The following GABRG3 variants were observed in gnomAD, a reference collection of about 807,000 sequenced individuals.
GABRG3 encodes gamma-aminobutyric acid receptor subunit gamma-3.
A neutral mutation model predicts 48.8 loss-of-function variants in GABRG3; 25 were observed. That is an observed-to-expected ratio of 0.51 (90% confidence interval 0.37 to 0.72). The LOEUF is 0.72. Ranked by LOEUF, GABRG3 falls within the 30% of genes least tolerant of loss-of-function variation. The pLI, the probability that GABRG3 is intolerant of heterozygous loss-of-function variation, is 0.00. For synonymous variants in GABRG3, 227 were observed against 217.6 expected, an observed-to-expected ratio of 1.04 and a Z score of -0.38; for missense variants, 394 against 577.9, an observed-to-expected ratio of 0.68 and a Z score of 3.26.
intron 5 of GABRG3, among the ~76,000 whole-genome samples, chr15:27,466,244 T>A (rs1889606399): frequency 6.6e-6 from 1 of 152,208 alleles, no homozygotes; most frequent in South Asian, 2.1e-4. Context: ...CCACAGAATA[T>A]TCAGTAGAAT....
At chr15:26,999,282 A>G (rs1895399993) in intron 2 of GABRG3, among the ~76,000 whole-genome samples, 1 of 152,174 alleles carries the variant, frequency 6.6e-6, no homozygotes, top group South Asian at 2.1e-4. Context: ...GATGGTATGC[A>G]TAGGTTATAT....
chr15:27,027,493 G>A (rs779434308), intron 3 of GABRG3, among the ~76,000 whole-genome samples: 29 of 152,318 alleles, frequency 1.9e-4, no homozygotes, highest in African/African-American at 6.0e-4. Context: ...TTGGGGAGAC[G>A]TGAGGCCGAG....
intron 2 of GABRG3, 28 bp from the exon 3 acceptor site, chr15:27,026,726 A>G (rs774760931): frequency 1.9e-6 from 3 of 1,572,124 alleles, no homozygotes; most frequent in Non-Finnish European, 1.7e-6. Flanking sequence ...GGCACGAAGT[A>G]TTAACATACA....
intron 3 of GABRG3, among the ~76,000 whole-genome samples, chr15:27,123,394 A>T (rs974775885): frequency 1.3e-5 from 2 of 152,096 alleles, no homozygotes; most frequent in African/African-American, 4.8e-5. Context: ...GAATGGGATT[A>T]GTGTGCTTAT....
chr15:27,494,699 C>T (rs34334091), intron 6 of GABRG3, among the ~76,000 whole-genome samples: 7,069 of 152,176 alleles, frequency 0.046, 227 homozygotes, highest in Non-Finnish European at 0.066. Flanking sequence ...TGTTTTATTT[C>T]CAATATTGGC....
At chr15:27,335,388 C>T (rs1412890934) in intron 5 of GABRG3, among the ~76,000 whole-genome samples, 2 of 152,316 alleles carry the variant, frequency 1.3e-5, no homozygotes, top group East Asian at 1.9e-4. Context: ...TCTTCACATC[C>T]TCACCAACAC....
chr15:27,079,867 GC>G (rs1896964095), intron 3 of GABRG3, among the ~76,000 whole-genome samples: 1 of 152,074 alleles, frequency 6.6e-6, no homozygotes, highest in Non-Finnish European at 1.5e-5. Flanking sequence ...ATAAAAATCA[GC>G]CCGCACTTTC....
At chr15:27,309,176 A>G (rs932861489) in intron 3 of GABRG3, among the ~76,000 whole-genome samples, 2 of 146,758 alleles carry the variant, frequency 1.4e-5, no homozygotes, top group Non-Finnish European at 3.0e-5. Context: ...ACAGATGTTT[A>G]TATAGAAACA....
At chr15:27,472,188 T>C (rs1889806973) in intron 5 of GABRG3, among the ~76,000 whole-genome samples, 1 of 152,132 alleles carries the variant, frequency 6.6e-6, no homozygotes, top group Non-Finnish European at 1.5e-5. Context: ...TATGCCTGGG[T>C]ATTTTATGAT....
chr15:27,308,187 T>TATATAAACATGTTTATATATCCAAAC (rs1169466767), intron 3 of GABRG3, among the ~76,000 whole-genome samples: 1 of 74,714 alleles, frequency 1.3e-5, no homozygotes, highest in East Asian at 2.7e-4. Flanking sequence ...TATCCAAACA[T>TATATAAACATGTTTATATATCCAAAC]ATATAAACAT....
At chr15:27,462,897 A>G (rs1320346185) in intron 5 of GABRG3, among the ~76,000 whole-genome samples, 1 of 152,206 alleles carries the variant, frequency 6.6e-6, no homozygotes, top group Non-Finnish European at 1.5e-5. Flanking sequence ...CTATTTCAAT[A>G]AAAACACTAT....
intron 5 of GABRG3, among the ~76,000 whole-genome samples, chr15:27,387,936 G>A (rs1298298844): frequency 2.6e-4 from 17 of 64,650 alleles, no homozygotes; most frequent in African/African-American, 8.9e-4. Context: ...GGGAGGGAGG[G>A]AAGGAGGGAA....
rs111290785 is a variant in GABRG3 at position 27,243,577 on chromosome 15, G to A, written c.271-83232G>A. ...GCAAATGCAAAAATGATGGAAGCTG[G>A]CAGTTATTGACCAAGTTGAGAATAT... On this transcript the variant is annotated intron_variant, in intron 3 of 9. Transcript: ENST00000615808. Among the ~76,000 whole-genome samples, 1,176 of 152,244 alleles carry A rather than the reference G, an allele frequency of 7.7e-3. 16 individuals are homozygous for A. The highest frequency in any genetic ancestry group is 0.026 in the African/African-American group (1,068 of 41,528).
At chr15:27,067,191 G>A (rs902197009) in intron 3 of GABRG3, among the ~76,000 whole-genome samples, 9 of 152,148 alleles carry the variant, frequency 5.9e-5, no homozygotes, top group African/African-American at 1.9e-4. Flanking sequence ...GGCTGGTGAA[G>A]ACGTGGCACT....
intron 6 of GABRG3, among the ~76,000 whole-genome samples, chr15:27,519,083 C>T (rs73371539): frequency 0.069 from 10,465 of 151,976 alleles, 1,229 homozygotes; most frequent in African/African-American, 0.24. Context: ...GGTATTGGCA[C>T]GGGGAAGGTG....
At chr15:27,008,530 GT>G (rs1446035774) in intron 2 of GABRG3, among the ~76,000 whole-genome samples, 2 of 152,216 alleles carry the variant, frequency 1.3e-5, no homozygotes, top group Non-Finnish European at 2.9e-5. Context: ...GTACTCTGCT[GT>G]GCTAGAAGTT....
At chr15:27,351,643 T>C (rs1046832610) in intron 5 of GABRG3, among the ~76,000 whole-genome samples, 3 of 149,506 alleles carry the variant, frequency 2.0e-5, no homozygotes, top group Non-Finnish European at 3.0e-5. Context: ...TTTGTGTGTA[T>C]GGTCTGTGTG....
At chr15:27,377,647 A>G (rs1010873896) in intron 5 of GABRG3, among the ~76,000 whole-genome samples, 4 of 152,174 alleles carry the variant, frequency 2.6e-5, no homozygotes, top group African/African-American at 4.8e-5. Context: ...CCATGATTCA[A>G]CTACCTCCCA....
intron 3 of GABRG3, among the ~76,000 whole-genome samples, chr15:27,266,106 C>T (rs1890913202): frequency 6.6e-6 from 1 of 152,014 alleles, no homozygotes; most frequent in Non-Finnish European, 1.5e-5. Context: ...TCTTGAACTG[C>T]CGACCTCAGG....
Sources: gnomAD v4.1 joint callset for allele counts (sites outside exome capture counted in the v4.1 genomes callset) on GRCh38, gnomAD v4.1.1 for gene constraint, MANE v1.5 for transcripts, NCBI Gene and HGNC (gene_info 2026-07-23, HGNC 2026-07-21) for gene names.